Variants in ADGRG7 observed in about 807,000 individuals in gnomAD.
The protein encoded by ADGRG7 is G-protein coupled receptor 128.
A neutral mutation model predicts 88.6 loss-of-function variants in ADGRG7; 82 were observed. The ratio of observed to expected loss-of-function variants is 0.93; its 90% CI spans 0.77 to 1.11. The LOEUF (loss-of-function observed/expected upper bound fraction) is 1.11, where lower values mean the gene tolerates loss of function less well. ADGRG7 is among the 50% of genes most tolerant of loss of function. ADGRG7 has a pLI of 0.00. For synonymous variants in ADGRG7, 381 were observed against 345.2 expected (o/e 1.10, Z -1.15); for missense variants, 945 against 953.4 (o/e 0.99, Z 0.12).
chr3:100,618,177 T>A (rs1707252894), intron 1 of ADGRG7, among the ~76,000 whole-genome samples: 1 of 152,200 alleles, frequency 6.6e-6, no homozygotes, highest in Non-Finnish European at 1.5e-5. Context: ...GCCTGTTCAC[T>A]CTGATGGTAG....
chr3:100,637,301 G>A lies in ADGRG7; in HGVS notation c.598-1G>A, dbSNP rs367638635. On this transcript the variant is annotated splice_acceptor_variant, in intron 5 of 15. Transcript: ENST00000273352. LOFTEE classifies it high-confidence loss of function. ...GATGATCAGTATCTTCTCTTTGGCA[G>A]GCAAAGAAAGTTGCCATAGTAACAG... is the stretch of plus-strand genomic sequence containing the variant. The A allele has an allele frequency of 6.8e-6, 11 of 1,607,192 alleles. No homozygotes were observed. The African/African-American group carries it at 1.5e-4, about 22-fold the overall frequency.
intron 12 of ADGRG7, among the ~76,000 whole-genome samples, 180 bp downstream of exon 12, chr3:100,655,361 G>C (rs551838609): frequency 6.6e-6 from 1 of 152,176 alleles, no homozygotes; most frequent in South Asian, 2.1e-4. Flanking sequence ...GGAGGCAGAT[G>C]CGATCAAGGC....
At chr3:100,634,847 A>C (rs1029535852) in intron 4 of ADGRG7, among the ~76,000 whole-genome samples, 3 of 152,242 alleles carry the variant, frequency 2.0e-5, no homozygotes, top group Admixed American at 2.0e-4. Context: ...CATCTAACAG[A>C]GTGCCTAGCA....
At chr3:100,680,663 T>C (rs1207883404) in intron 15 of ADGRG7, among the ~76,000 whole-genome samples, 1 of 152,144 alleles carries the variant, frequency 6.6e-6, no homozygotes, top group African/African-American at 2.4e-5. Context: ...TTTCATTAAC[T>C]TTTCGTTGTC....
chr3:100,638,002 C>A (rs1707575061), intron 6 of ADGRG7, among the ~76,000 whole-genome samples: 1 of 152,182 alleles, frequency 6.6e-6, no homozygotes, highest in Admixed American at 6.5e-5. Context: ...TCTGTGCAGG[C>A]CCCACAGCAG....
intron 4 of ADGRG7, among the ~76,000 whole-genome samples, chr3:100,633,931 T>G (rs1391341073): frequency 6.6e-6 from 1 of 152,182 alleles, no homozygotes; most frequent in Non-Finnish European, 1.5e-5. Flanking sequence ...AATGGCTTCA[T>G]CTTTGTGGAA....
chr3:100,682,222 C>A (rs1302982846), intron 15 of ADGRG7, among the ~76,000 whole-genome samples: 1 of 152,146 alleles, frequency 6.6e-6, no homozygotes, highest in Non-Finnish European at 1.5e-5. Flanking sequence ...CCCAGCCGCT[C>A]ACCGGAGGGA....
In ADGRG7 at chr3:100,681,310, T is replaced by TTTTC. The variant is rs1559690983; in HGVS notation, c.2136+12208_2136+12209insCTTT. On this transcript the variant is annotated intron_variant, in intron 15 of 15. Transcript: ENST00000273352. ...TGAAAGACATCTTTTCTTTTCTTTTTTTTTTTTTTCTTTTTTTTGAGACAG... is the reference window on the plus strand; with the variant it reads ...TGAAAGACATCTTTTCTTTTCTTTTTTTTCTTTTTTTTTCTTTTTTTTGAGACAG... 3.3e-5 allele frequency among the ~76,000 whole-genome samples: 5 copies of TTTTC among 150,418 alleles called. No homozygotes were observed. The East Asian group carries it at 1.2e-3, about 36-fold the overall frequency.
chr3:100,648,913 C>CAT (rs1448862487), intron 10 of ADGRG7, among the ~76,000 whole-genome samples: 9 of 152,126 alleles, frequency 5.9e-5, no homozygotes, highest in African/African-American at 1.4e-4. Context: ...TACATATTTT[C>CAT]ATATATATAT....
At chr3:100,668,177 T>C (rs2094954110) in intron 14 of ADGRG7, among the ~76,000 whole-genome samples, 1 of 152,248 alleles carries the variant, frequency 6.6e-6, no homozygotes. Flanking sequence ...AGAAATCATC[T>C]GCCTTCTGCG....
At chr3:100,635,000 G>GACACACACACAC (rs142620077) in intron 4 of ADGRG7, among the ~76,000 whole-genome samples, 9 of 146,778 alleles carry the variant, frequency 6.1e-5, no homozygotes, top group African/African-American at 2.3e-4. Context: ...TGAAAACCAA[G>GACACACACACAC]ACACACACAC....
At chr3:100,675,851 A>G (rs2094964668) in intron 15 of ADGRG7, among the ~76,000 whole-genome samples, 1 of 152,090 alleles carries the variant, frequency 6.6e-6, no homozygotes, top group Admixed American at 6.5e-5. Flanking sequence ...GTTTGTGTGT[A>G]GAAATTTGTC....
intron 4 of ADGRG7, among the ~76,000 whole-genome samples, chr3:100,633,747 C>T (rs555430941): frequency 1.3e-5 from 2 of 152,132 alleles, no homozygotes; most frequent in African/African-American, 2.4e-5. Flanking sequence ...GTCTCGAACT[C>T]CTGACCACAG....
In ADGRG7 at chr3:100,610,029, C is replaced by T; in HGVS notation, c.115+58C>T. On this transcript the variant is annotated intron_variant, in intron 1 of 15. Transcript: ENST00000273352. ...AAGAGAAGGTATGGGACCTCTGTCC[C>T]TGCCACCTGGTGCACAAGTACTGGG... 4 of 1,381,520 alleles carry T rather than the reference C, an allele frequency of 2.9e-6. No homozygotes were observed. The South Asian group carries it at 3.5e-5, about 12-fold the overall frequency. 85.6% of individuals were successfully genotyped at this position (1,381,520 alleles called of 1,614,324 possible).
At chr3:100,652,329 C>T (rs2094930930) in intron 11 of ADGRG7, among the ~76,000 whole-genome samples, 1 of 152,076 alleles carries the variant, frequency 6.6e-6, no homozygotes, top group African/African-American at 2.4e-5. Flanking sequence ...ATCGTAAAAA[C>T]ATAAAGAATA....
chr3:100,671,598 G>C (rs2094958745), intron 15 of ADGRG7, among the ~76,000 whole-genome samples: 1 of 152,152 alleles, frequency 6.6e-6, no homozygotes, highest in African/African-American at 2.4e-5. Context: ...TGTTGCCATT[G>C]CTTTTGGTGT....
Position 100,630,708 on chromosome 3 carries a change from A to T in ADGRG7, c.233A>T (p.Asn78Ile), listed in dbSNP as rs1311931278. The T allele has an allele frequency of 5.8e-6, 8 of 1,378,786 alleles. No individual in the cohort carries two copies. The highest frequency in any genetic ancestry group is 7.6e-6 in the Non-Finnish European group (8 of 1,049,456). 85.4% of individuals were successfully genotyped at this position (1,378,786 alleles called of 1,614,324 possible). Residue 78 changes from asparagine (N) to isoleucine (I), a missense_variant, in exon 3 of 16, where the codon AAT (asparagine) becomes ATT (isoleucine). Transcript: ENST00000273352. ...EWKGLRCTIA[N>I]FCENSTYMGF... ...GAACTTTTTCTCTTTATTACAGCTA[A>T]TTTTTGTGAAAATAGTACCTATATG... is the stretch of plus-strand genomic sequence containing the variant.
intron 15 of ADGRG7, among the ~76,000 whole-genome samples, chr3:100,675,344 G>A (rs1287223726): frequency 6.6e-6 from 1 of 152,088 alleles, no homozygotes; most frequent in African/African-American, 2.4e-5. Context: ...AGCATCAATT[G>A]AAACAATCAT....
intron 15 of ADGRG7, among the ~76,000 whole-genome samples, chr3:100,682,797 G>A (rs1429527656): frequency 1.3e-5 from 2 of 152,208 alleles, no homozygotes; most frequent in Admixed American, 1.3e-4. Context: ...GGGGCAAGCG[G>A]GAGCCCCACC....
Sources: gnomAD v4.1 joint callset for allele counts (sites outside exome capture counted in the v4.1 genomes callset) on GRCh38, gnomAD v4.1.1 for gene constraint, MANE v1.5 for transcripts, NCBI Gene and HGNC (gene_info 2026-07-23, HGNC 2026-07-21) for gene names.